Variants in ACOT1 observed in about 807,000 individuals in gnomAD.
ACOT1 encodes acyl-CoA thioesterase 1.
A neutral mutation model predicts 15.7 loss-of-function variants in ACOT1; 8 were observed. That is an observed-to-expected ratio of 0.51 (90% confidence interval 0.30 to 0.92). The LOEUF (loss-of-function observed/expected upper bound fraction) is 0.92. Among genes scored for constraint, ACOT1 ranks in the 40% least tolerant of loss-of-function variants. The pLI is 0.06. For missense variants in ACOT1, 151 were observed against 539.4 expected, an observed-to-expected ratio of 0.28 and a Z score of 7.13; for synonymous variants, 67 against 241.2, an observed-to-expected ratio of 0.28 and a Z score of 6.69.
At chr14:73,499,652 ATTG>A in the ACOT1 span, among the ~76,000 whole-genome samples, 1 of 152,300 alleles carries the variant, frequency 6.6e-6, no homozygotes, top group South Asian at 2.1e-4. Context: ...ATTATCTGCT[ATTG>A]ATTTTCTCAG....
chr14:73,507,420 A>G, the ACOT1 span, among the ~76,000 whole-genome samples: 1 of 152,064 alleles, frequency 6.6e-6, no homozygotes, highest in East Asian at 1.9e-4. Context: ...GCTGCATTTT[A>G]TCTAATTAAT....
At chr14:73,491,507 C>G in the ACOT1 span, 1 of 1,515,124 alleles carries the variant, frequency 6.6e-7, no homozygotes, top group Non-Finnish European at 8.8e-7. Context: ...GTCCGGGGCC[C>G]CTGCGACGGC....
chr14:73,502,962 C>T, the ACOT1 span: 2 of 1,614,140 alleles, frequency 1.2e-6, no homozygotes, highest in Non-Finnish European at 1.7e-6. Flanking sequence ...GCTCTCCTCA[C>T]TTCCTTATTC....
the ACOT1 span, chr14:73,522,337 A>G: frequency 6.2e-7 from 1 of 1,614,178 alleles, no homozygotes; most frequent in African/African-American, 1.3e-5. Flanking sequence ...TGACACTTTG[A>G]TCCTCAAACT....
At chr14:73,491,576 C>A in the ACOT1 span, 1 of 1,542,542 alleles carries the variant, frequency 6.5e-7, no homozygotes, top group South Asian at 1.2e-5. Context: ...CCCGCTGCGG[C>A]GCGTCTTGGC....
chr14:73,491,714 C>T, the ACOT1 span: 1 of 1,550,582 alleles, frequency 6.4e-7, no homozygotes, highest in Non-Finnish European at 8.7e-7. Flanking sequence ...GGTGCGGCGG[C>T]AGGACCACAC....
the ACOT1 span, among the ~76,000 whole-genome samples, chr14:73,510,775 A>G: frequency 6.6e-6 from 1 of 152,146 alleles, no homozygotes; most frequent in African/African-American, 2.4e-5. Context: ...CATTCCACAG[A>G]GTCTTGGGGA....
At chr14:73,501,090 TTTTG>T in the ACOT1 span, among the ~76,000 whole-genome samples, 120 of 152,284 alleles carry the variant, frequency 7.9e-4, 2 homozygotes, top group Middle Eastern at 3.4e-3. Flanking sequence ...TATGCAGTCT[TTTTG>T]TTTGTTTGTT....
At chr14:73,503,807 G>A in the ACOT1 span, among the ~76,000 whole-genome samples, 2 of 152,138 alleles carry the variant, frequency 1.3e-5, no homozygotes, top group East Asian at 1.9e-4. Context: ...TGCCTAGTGC[G>A]TCGGATGTGG....
Position 73,537,872 on chromosome 14 carries a change from C to G in ACOT1, c.451C>G (p.Pro151Ala). 2.5e-6 allele frequency: 3 copies of G among 1,196,422 alleles called. 1 individual carries two copies. The South Asian group carries it at 4.5e-5, about 18-fold the overall frequency. 74.1% of individuals were successfully genotyped at this position (1,196,422 alleles called of 1,614,324 possible). A position where few individuals can be genotyped will look rare whatever the true frequency, so the allele number is the denominator to read the frequency against. Residue 151 changes from proline (P) to alanine (A), a missense_variant, in exon 1 of 3, where the codon CCG (proline) becomes GCG (alanine). Coordinates refer to ENST00000311148, the MANE Select transcript of ACOT1 (RefSeq NM_001037161.2). ...AGRVRGTLFL[P>A]PEPGPFPGIV... ...CCGGGTGCGAGGCACGCTCTTCCTG[C>G]CGCCAGGTGACTCACCTCCGCTAAT...
chr14:73,520,528 C>T, the ACOT1 span: 633 of 213,878 alleles, frequency 3.0e-3, 3 homozygotes, highest in Non-Finnish European at 4.4e-3. Context: ...GAGAATATCT[C>T]GAAGTGAGAG....
the ACOT1 span, among the ~76,000 whole-genome samples, chr14:73,511,396 G>A: frequency 6.6e-6 from 1 of 151,814 alleles, no homozygotes; most frequent in African/African-American, 2.4e-5. Context: ...ACGCCTGTAT[G>A]TAGTCCCAGC....
At chr14:73,528,217 A>AAGCC in the ACOT1 span, among the ~76,000 whole-genome samples, 1 of 152,100 alleles carries the variant, frequency 6.6e-6, no homozygotes, top group East Asian at 1.9e-4. Context: ...CAACATGGCG[A>AAGCC]AGCCCCATCT....
rs1888891396 is a variant in ACOT1 at position 73,537,258 on chromosome 14, T to G, written c.-164T>G. 7 of 587,258 alleles carry G rather than the reference T, an allele frequency of 1.2e-5. 1 individual carries two copies. The highest frequency in any genetic ancestry group is 1.8e-5 in the Non-Finnish European group (7 of 389,378). The allele number at this position is 587,258 out of a possible 1,614,324, so 36.4% of individuals were successfully genotyped here. ...AGTTCCAGTGTGTCTATATTTGGTC[T>G]GGCTGATCGGCTGGACTCTGGCCTT... On this transcript the variant is annotated 5_prime_UTR_variant, in exon 1 of 3. Coordinates refer to ENST00000311148, the MANE Select transcript of ACOT1 (RefSeq NM_001037161.2).
the ACOT1 span, among the ~76,000 whole-genome samples, chr14:73,493,599 A>G: frequency 6.6e-6 from 1 of 152,048 alleles, no homozygotes; most frequent in Non-Finnish European, 1.5e-5. Flanking sequence ...GCACTTTAGG[A>G]GGCCGAGGCG....
the ACOT1 span, chr14:73,499,077 T>C: frequency 6.2e-7 from 1 of 1,614,020 alleles, no homozygotes; most frequent in Non-Finnish European, 8.5e-7. Context: ...ATACCTCGAA[T>C]GGCAAAGGCC....
At chr14:73,496,330 A>AG in the ACOT1 span, among the ~76,000 whole-genome samples, 1 of 152,188 alleles carries the variant, frequency 6.6e-6, no homozygotes, top group African/African-American at 2.4e-5. Flanking sequence ...GAAAATAGGA[A>AG]GGGAGGGAAA....
At chr14:73,536,516 TAAAAAA>T (rs543491523), upstream of ACOT1, among the ~76,000 whole-genome samples, 1 of 59,344 alleles carries the variant, frequency 1.7e-5, no homozygotes, top group Non-Finnish European at 3.2e-5. Context: ...CCTGTCTCTT[TAAAAAA>T]AAAAAAAAAA....
chr14:73,524,282 A>T, the ACOT1 span, among the ~76,000 whole-genome samples: 1 of 126,298 alleles, frequency 7.9e-6, no homozygotes, highest in African/African-American at 3.0e-5. Context: ...AACAAGAGCA[A>T]AACTCCGTCT....
Sources: allele counts gnomAD v4.1 joint callset (sites outside exome capture counted in the v4.1 genomes callset), GRCh38; gene constraint gnomAD v4.1.1; transcripts MANE v1.5; gene names NCBI Gene and HGNC (gene_info 2026-07-23, HGNC 2026-07-21).